Variants in LATS2 observed in about 807,000 individuals in gnomAD.
LATS2 encodes large tumor suppressor kinase 2, also known as serine/threonine-protein kinase LATS2.
A neutral mutation model predicts 76.0 loss-of-function variants in LATS2; 24 were observed. That is an observed-to-expected ratio of 0.32 (90% CI 0.23 to 0.44). LATS2 has a LOEUF of 0.44. LATS2 is among the 20% of genes least tolerant of loss of function. The pLI is 1.00. For missense variants in LATS2, 1,286 were observed against 1,481.2 expected (o/e 0.87, Z 2.16); for synonymous variants, 692 against 635.4 (o/e 1.09, Z -1.34).
chr13:20,980,704 T>G (rs1000341723), intron 6 of LATS2, among the ~76,000 whole-genome samples: 1 of 152,224 alleles, frequency 6.6e-6, no homozygotes, highest in South Asian at 2.1e-4. Context: ...GTTATTGCTA[T>G]GTCTGTGGTC....
At chr13:20,999,402 T>C (rs1427522490) in intron 2 of LATS2, among the ~76,000 whole-genome samples, 7 of 152,234 alleles carry the variant, frequency 4.6e-5, no homozygotes, top group African/African-American at 1.4e-4. Context: ...TTGTTTTGTG[T>C]ATTTTTAAGG....
Position 20,988,940 on chromosome 13 carries a change from C to T in LATS2, c.840G>A (p.Pro280=), listed in dbSNP as rs201011483. 2.0e-6 allele frequency: 3 copies of T among 1,527,814 alleles called. No homozygotes were observed. Among genetic ancestry groups the T allele is most frequent in the East Asian group, 2.4e-5 (1 of 40,826 alleles). The allele number at this position is 1,527,814 out of a possible 1,614,324, so 94.6% of individuals were successfully genotyped here. The change falls in exon 4 of 8, where the codon CCG becomes CCA. Residue 280 remains proline (P), a synonymous_variant. Coordinates refer to ENST00000382592, the MANE Select transcript of LATS2 (RefSeq NM_014572.3). ...QRSPSFQSKT[P]PETGGYASLP... Reference sequence around the variant, plus strand: ...GGCTGGCGTAACCCCCGGTCTCCGGCGGCGTCTTGCTCTGGAAGGAGGGGC... The same window carrying T: ...GGCTGGCGTAACCCCCGGTCTCCGGTGGCGTCTTGCTCTGGAAGGAGGGGC...
chr13:21,000,454 T>C (rs576390484), intron 2 of LATS2, among the ~76,000 whole-genome samples: 1 of 152,292 alleles, frequency 6.6e-6, no homozygotes, highest in Non-Finnish European at 1.5e-5. Context: ...ACCAAAAATA[T>C]TCAGGGGTGA....
intron 2 of LATS2, among the ~76,000 whole-genome samples, chr13:21,020,545 C>T (rs1195735426): frequency 6.6e-6 from 1 of 152,072 alleles, no homozygotes; most frequent in Non-Finnish European, 1.5e-5. Context: ...GGAAAAAAAT[C>T]ACATTAATTC....
intron 2 of LATS2, among the ~76,000 whole-genome samples, chr13:21,003,493 T>C (rs1407106568): frequency 6.6e-6 from 1 of 151,100 alleles, no homozygotes; most frequent in East Asian, 1.9e-4. Flanking sequence ...CAGGCTGGAG[T>C]GCAGTGACAC....
intron 2 of LATS2, among the ~76,000 whole-genome samples, chr13:21,025,221 A>G (rs1471644932): frequency 6.6e-6 from 1 of 150,410 alleles, no homozygotes; most frequent in African/African-American, 2.4e-5. Context: ...CTCTACTAAA[A>G]AAAAAAAAAA....
At chr13:21,040,034 T>C (rs184113766) in intron 2 of LATS2, among the ~76,000 whole-genome samples, 48 of 151,512 alleles carry the variant, frequency 3.2e-4, no homozygotes, top group Non-Finnish European at 5.3e-4. Flanking sequence ...GATAGCTCCA[T>C]TGTATTCCAG....
rs1873069788 is a variant in LATS2 at position 21,046,156 on chromosome 13, C to G, written c.-130G>C. ...AAAATAATTTCCTTTTGAAAATGTT[C>G]TTTCCTTCCATTTTTGTAGTTCCTA... On this transcript the variant is annotated 5_prime_UTR_variant, in exon 2 of 8. Transcript: ENST00000382592. 2 of 737,360 alleles carry G rather than the reference C, an allele frequency of 2.7e-6. No individual in the cohort carries two copies. The highest frequency in any genetic ancestry group is 1.8e-5 in the African/African-American group (1 of 56,380). 45.7% of individuals were successfully genotyped at this position (737,360 alleles called of 1,614,324 possible).
In LATS2 at chr13:20,988,574, C is replaced by A. The variant is rs1474822346; in HGVS notation, c.1206G>T (p.Val402=). The A allele has an allele frequency of 1.3e-6, 2 of 1,587,358 alleles. No individual in the cohort carries two copies. Among genetic ancestry groups the A allele is most frequent in the East Asian group, 2.2e-5 (1 of 44,496 alleles). Residue 402 remains valine, a synonymous_variant, in exon 4 of 8, where the codon GTG becomes GTT. Coordinates refer to ENST00000382592, the MANE Select transcript of LATS2 (RefSeq NM_014572.3). ...TGTTGAAGGAGTTGGTCCTGCTGGG[C>A]ACTGGGCAGTCAGGCCGGAAGGCCA... ...AHVAFRPDCP[V]PSRTNSFNSH...
rs536700042 is a variant in LATS2 at position 21,016,039 on chromosome 13, G to T, written c.343-24635C>A. Among the ~76,000 whole-genome samples the T allele has an allele frequency of 7.3e-5, 11 of 151,200 alleles. No individual in the cohort carries two copies. The South Asian group carries it at 2.3e-3, about 32-fold the overall frequency. On this transcript the variant is annotated intron_variant, in intron 2 of 7. Transcript: ENST00000382592. ...GACTCTCACTCTGTCACTCAGGCTG[G>T]AGTGCAGTGGTATGATCTCGGCTCA...
chr13:20,998,592 T>C (rs1870869945), intron 2 of LATS2, among the ~76,000 whole-genome samples: 1 of 152,108 alleles, frequency 6.6e-6, no homozygotes, highest in Non-Finnish European at 1.5e-5. Flanking sequence ...CAAAGGGTGT[T>C]CCAACCCCAC....
intron 2 of LATS2, 47 bp downstream of exon 2, chr13:21,045,638 G>T: frequency 6.8e-7 from 1 of 1,471,140 alleles, no homozygotes; most frequent in Non-Finnish European, 9.3e-7. Flanking sequence ...TGCCCCAGCT[G>T]TCCCATAGCT....
At chr13:20,980,233 A>C (rs1015048120) in intron 6 of LATS2, among the ~76,000 whole-genome samples, 4 of 152,154 alleles carry the variant, frequency 2.6e-5, no homozygotes, top group Admixed American at 1.3e-4. Flanking sequence ...TACGGAGATG[A>C]GGAGGAGGTG....
In LATS2 at chr13:20,988,733, A is replaced by C; in HGVS notation, c.1047T>G (p.Thr349=). Residue 349 remains threonine, a synonymous_variant, in exon 4 of 8, where the codon ACT becomes ACG. Coordinates refer to ENST00000382592, the MANE Select transcript of LATS2 (RefSeq NM_014572.3). ...ASDSPPQSLL[T]PSRNSLNVDL... ...CCACGTTGAGGCTGTTCCGCGAGGG[A>C]GTGAGCAGGCTCTGCGGGGGGCTGT... 6.4e-7 allele frequency: 1 copy of C among 1,569,430 alleles called. No individual in the cohort carries two copies. Among genetic ancestry groups the C allele is most frequent in the Non-Finnish European group, 8.6e-7 (1 of 1,164,672 alleles).
In LATS2 at chr13:20,974,847, T is replaced by C; in HGVS notation, c.*23A>G. ...GGACCCTGACCTGGGAGGCAGCGAG[T>C]GGTGGGGGTGCCTGGCCCCCATCTA... On this transcript the variant is annotated 3_prime_UTR_variant, in exon 8 of 8. Transcript: ENST00000382592. The C allele has an allele frequency of 1.3e-6, 2 of 1,580,842 alleles. No homozygotes were observed. Among genetic ancestry groups the C allele is most frequent in the Non-Finnish European group, 1.7e-6 (2 of 1,163,164 alleles).
chr13:21,018,441 T>C (rs1341276304), intron 2 of LATS2, among the ~76,000 whole-genome samples: 2 of 152,188 alleles, frequency 1.3e-5, no homozygotes, highest in African/African-American at 4.8e-5. Flanking sequence ...AAGTACTGCA[T>C]GAGGCAGCTA....
At position 20,973,971 on chromosome 13, in the gene LATS2, TCC is replaced by T. The variant is rs10659630; in HGVS notation, c.*897_*898del. The T allele has an allele frequency of 1.3e-4, 25 of 188,010 alleles. No homozygotes were observed. Among genetic ancestry groups the T allele is most frequent in the East Asian group, 2.7e-4 (3 of 11,236 alleles). 11.6% of individuals were successfully genotyped at this position (188,010 alleles called of 1,614,324 possible). A position where few individuals can be genotyped will look rare whatever the true frequency, so the allele number is the denominator to read the frequency against. Reference sequence around the variant, plus strand: ...TTCAGTATATGACAAATGTTTCAGTTCCCCCCCCCCAAAGAATCCAATCACAA... The same window carrying T: ...TTCAGTATATGACAAATGTTTCAGTTCCCCCCCCAAAGAATCCAATCACAA... On this transcript the variant is annotated 3_prime_UTR_variant, in exon 8 of 8. Coordinates refer to ENST00000382592, the MANE Select transcript of LATS2 (RefSeq NM_014572.3).
intron 2 of LATS2, among the ~76,000 whole-genome samples, chr13:21,007,531 GATATATATATATAGTATATATATATAT>G (rs1210990246): frequency 3.2e-4 from 5 of 15,490 alleles, no homozygotes; most frequent in African/African-American, 1.3e-3. Flanking sequence ...GTAGGGGATG[GATATATATATATAGTATATATATATAT>G]ATATATATAT....
Position 20,991,198 on chromosome 13 carries a change from C to T in LATS2, c.475+74G>A. 1 of 1,578,872 alleles carries T rather than the reference C, an allele frequency of 6.3e-7. No homozygotes were observed. Among genetic ancestry groups the T allele is most frequent in the South Asian group, 1.2e-5 (1 of 86,660 alleles). ...TCTGGCCAGGCCAGGCCAGGTTGGA[C>T]CCCTCTGCACGTGGTTTTGTTGTCC... On this transcript the variant is annotated intron_variant, in intron 3 of 7. Coordinates refer to ENST00000382592, the MANE Select transcript of LATS2 (RefSeq NM_014572.3). The surrounding 1 kb of genome is among the most constrained non-coding windows in gnomAD (Gnocchi z 4.9).
Sources: gnomAD v4.1 joint callset for allele counts (sites outside exome capture counted in the v4.1 genomes callset) on GRCh38, gnomAD v4.1.1 for gene constraint, Gnocchi (gnomAD v3.1) non-coding constraint, MANE v1.5 for transcripts, NCBI Gene and HGNC (gene_info 2026-07-23, HGNC 2026-07-21) for gene names.